The following RFTN1 variants were observed in gnomAD, a reference collection of about 807,000 sequenced individuals.
RFTN1 encodes raftlin, lipid raft linker 1, also known as raftlin.
Under a neutral mutation model 46.5 loss-of-function variants are expected in RFTN1, and 26 were observed. The observed-to-expected ratio is 0.56, with a 90% CI of 0.41 to 0.78. The LOEUF is 0.78. Among genes scored for constraint, RFTN1 ranks in the 30% least tolerant of loss-of-function variants. The pLI is 0.00. For missense variants in RFTN1, 693 were observed against 718.7 expected, an observed-to-expected ratio of 0.96 and a Z score of 0.41; for synonymous variants, 261 against 284.2, an observed-to-expected ratio of 0.92 and a Z score of 0.82.
At chr3:16,441,491 A>G (rs1454502575) in intron 2 of RFTN1, among the ~76,000 whole-genome samples, 1 of 152,190 alleles carries the variant, frequency 6.6e-6, no homozygotes, top group African/African-American at 2.4e-5. Context: ...GACATTTGCA[A>G]AGGGCCAAAG....
rs973378575 is a variant in RFTN1, at chr3:16,406,021, T to C, written c.441+3354A>G. Among the ~76,000 whole-genome samples the C allele has an allele frequency of 1.2e-4, 18 of 152,186 alleles. 1 individual carries two copies. The highest frequency in any genetic ancestry group is 1.2e-3 in the Admixed American group (18 of 15,280). ...AATAGGGCCAAAGCTATTCATTAAATATTTGCAGTGAAAAAAACCACAAAT... is the reference window on the plus strand; with the variant it reads ...AATAGGGCCAAAGCTATTCATTAAACATTTGCAGTGAAAAAAACCACAAAT... On this transcript the variant is annotated intron_variant, in intron 4 of 9. Transcript: ENST00000334133.
intron 4 of RFTN1, among the ~76,000 whole-genome samples, chr3:16,392,540 C>G (rs2074375937): frequency 6.6e-6 from 1 of 151,818 alleles, no homozygotes; most frequent in Non-Finnish European, 1.5e-5. Context: ...AATTGACACT[C>G]AAAACATGTT....
intron 4 of RFTN1, among the ~76,000 whole-genome samples, chr3:16,392,358 A>C (rs1035480617): frequency 7.2e-5 from 11 of 151,906 alleles, no homozygotes; most frequent in Non-Finnish European, 1.3e-4. Flanking sequence ...AAGACACCCC[A>C]CCCTCACATG....
In RFTN1 at chr3:16,504,849, G is replaced by A. The variant is rs569625870; in HGVS notation, c.-9+8593C>T. Among the ~76,000 whole-genome samples, 2 of 152,220 alleles carry A rather than the reference G, an allele frequency of 1.3e-5. No individual in the cohort carries two copies. The highest frequency in any genetic ancestry group is 3.9e-4 in the East Asian group (2 of 5,170). On this transcript the variant is annotated intron_variant, in intron 1 of 9. Transcript: ENST00000334133. This position sits in a 1 kb window ranked among gnomAD's most constrained non-coding sequence, Gnocchi z 4.4. ...TGAGACTTTCTCAGCACTTCTGGAAGAATATGCCCCACAGAATGCAGCACC... is the reference window on the plus strand; with the variant it reads ...TGAGACTTTCTCAGCACTTCTGGAAAAATATGCCCCACAGAATGCAGCACC...
chr3:16,440,048 T>C lies in RFTN1; in HGVS notation c.146-6011A>G, dbSNP rs2075591899. On this transcript the variant is annotated intron_variant, in intron 2 of 9. Coordinates refer to ENST00000334133, the MANE Select transcript of RFTN1 (RefSeq NM_015150.2). The surrounding 1 kb of genome is among the most constrained non-coding windows in gnomAD (Gnocchi z 4.6). ...CATCATAAGTTAAAATTTCTAATTA[T>C]AACTTCGTAGTCTGAAGATAAGGGA... 6.6e-6 allele frequency among the ~76,000 whole-genome samples: 1 copy of C among 152,182 alleles called. No individual in the cohort carries two copies. The highest frequency in any genetic ancestry group is 1.5e-5 in the Non-Finnish European group (1 of 68,026).
At chr3:16,350,904 T>C (rs2072053496) in intron 7 of RFTN1, among the ~76,000 whole-genome samples, 1 of 152,176 alleles carries the variant, frequency 6.6e-6, no homozygotes, top group Non-Finnish European at 1.5e-5. Context: ...AAATATTGGC[T>C]CCCTTGTGAA....
chr3:16,342,575 A>C lies in RFTN1; in HGVS notation c.1146+15357T>G, dbSNP rs1409108780. On this transcript the variant is annotated intron_variant, in intron 7 of 9. Coordinates refer to ENST00000334133, the MANE Select transcript of RFTN1 (RefSeq NM_015150.2). The surrounding 1 kb of genome is among the most constrained non-coding windows in gnomAD (Gnocchi z 4.0). ...GGAATTGCTGGGTCATATGGTAACT[A>C]TGTTTAACATTTTGGGAAAGTGTCC... 6.6e-6 allele frequency among the ~76,000 whole-genome samples: 1 copy of C among 152,192 alleles called. No homozygotes were observed. Among genetic ancestry groups the C allele is most frequent in the East Asian group, 1.9e-4 (1 of 5,204 alleles).
chr3:16,365,304 C>G (rs1204283506), intron 6 of RFTN1, among the ~76,000 whole-genome samples: 2 of 152,200 alleles, frequency 1.3e-5, no homozygotes, highest in East Asian at 1.9e-4. Context: ...CTCACCACCA[C>G]TGGCATTATT....
chr3:16,317,064 C>T lies in RFTN1; in HGVS notation c.1501G>A (p.Glu501Lys). 2 of 1,613,892 alleles carry T rather than the reference C, an allele frequency of 1.2e-6. No individual in the cohort carries two copies. Among genetic ancestry groups the T allele is most frequent in the Non-Finnish European group, 1.7e-6 (2 of 1,179,996 alleles). ...TTCATCTCCTCGGAGACTCCACCCT[C>T]CTGCTGCTGTCCTGAAACACAGTTT... Reference protein sequence around the residue: ...MGNCVSGQQQEGGVSEEMKGP... With the variant: ...MGNCVSGQQQKGGVSEEMKGP... The change falls in exon 10 of 10, where the codon GAG (glutamate) becomes AAG (lysine). Residue 501 changes from glutamate (E) to lysine (K), a missense_variant. Glu to Lys is a moderately conservative substitution (Grantham distance 56). Coordinates refer to ENST00000334133, the MANE Select transcript of RFTN1 (RefSeq NM_015150.2). The surrounding 1 kb of genome is among the most constrained non-coding windows in gnomAD (Gnocchi z 4.3).
rs1553589390 is a variant in RFTN1 at position 16,415,430 on chromosome 3, TAC to T, written c.333-5949_333-5948del. Among the ~76,000 whole-genome samples, 64 of 114,286 alleles carry T rather than the reference TAC, an allele frequency of 5.6e-4. 1 individual carries two copies. The highest frequency in any genetic ancestry group is 4.1e-3 in the Middle Eastern group (1 of 244). 75.0% of individuals were successfully genotyped at this position (114,286 alleles called of 152,430 possible). A position where few individuals can be genotyped will look rare whatever the true frequency, so the allele number is the denominator to read the frequency against. ...TTGAGTATATATATATATATATATA[TAC>T]ACACACACACACACATATATACTTG... is the stretch of plus-strand genomic sequence containing the variant. On this transcript the variant is annotated intron_variant, in intron 3 of 9. Coordinates refer to ENST00000334133, the MANE Select transcript of RFTN1 (RefSeq NM_015150.2).
At chr3:16,319,512 A>G (rs760937564) in intron 9 of RFTN1, among the ~76,000 whole-genome samples, 1 of 152,338 alleles carries the variant, frequency 6.6e-6, no homozygotes, top group East Asian at 1.9e-4. Context: ...TGATGTGAAT[A>G]GCGCCCTCTG....
rs543811891 is a variant in RFTN1 at position 16,512,882 on chromosome 3, T to A, written c.-9+560A>T. On this transcript the variant is annotated intron_variant, in intron 1 of 9. Transcript: ENST00000334133. This position sits in a 1 kb window ranked among gnomAD's most constrained non-coding sequence, Gnocchi z 4.3. ...GCTTCCTCGGAGCGCGCGGCATGTC[T>A]GCTCCTACACGTCCAGCACCTCTGT... 1 of 152,252 alleles carries A rather than the reference T, an allele frequency of 6.6e-6. No homozygotes were observed. Among genetic ancestry groups the A allele is most frequent in the East Asian group, 1.9e-4 (1 of 5,182 alleles). 9.4% of individuals were successfully genotyped at this position (152,252 alleles called of 1,614,324 possible).
At position 16,451,614 on chromosome 3, in the gene RFTN1, T is replaced by G. The variant is rs182063393; in HGVS notation, c.146-17577A>C. On this transcript the variant is annotated intron_variant, in intron 2 of 9. Transcript: ENST00000334133. This position sits in a 1 kb window ranked among gnomAD's most constrained non-coding sequence, Gnocchi z 4.2. ...CCAATTGCTGCCAATCAGAGCACATTTCTCTTCGTGTCTTCCACCTAAAAA... is the reference window on the plus strand; with the variant it reads ...CCAATTGCTGCCAATCAGAGCACATGTCTCTTCGTGTCTTCCACCTAAAAA... Among the ~76,000 whole-genome samples, 1 of 152,210 alleles carries G rather than the reference T, an allele frequency of 6.6e-6. No homozygotes were observed. The highest frequency in any genetic ancestry group is 1.5e-5 in the Non-Finnish European group (1 of 68,036).
chr3:16,423,627 C>A (rs999393795), intron 3 of RFTN1, among the ~76,000 whole-genome samples: 3 of 152,120 alleles, frequency 2.0e-5, no homozygotes, highest in Admixed American at 6.5e-5. Context: ...GGACTCCAGC[C>A]AGCCACAGCA....
chr3:16,467,814 A>C (rs1021948431), intron 2 of RFTN1, among the ~76,000 whole-genome samples: 1 of 152,356 alleles, frequency 6.6e-6, no homozygotes, highest in Admixed American at 6.5e-5. Context: ...AAAGCCTTTC[A>C]CAGCAAATAT....
intron 2 of RFTN1, among the ~76,000 whole-genome samples, chr3:16,462,691 T>C (rs1166760793): frequency 6.6e-6 from 1 of 152,254 alleles, no homozygotes; most frequent in Non-Finnish European, 1.5e-5. Context: ...TTCAGACTTC[T>C]GGCCTCCAGA....
rs1367602534 is a variant in RFTN1 at position 16,344,282 on chromosome 3, G to C, written c.1146+13650C>G. Reference sequence around the variant, plus strand: ...AGATTGGAAGGGGTTTAAGAAGTCAGGGAAACCTACTCAAAAAAGAAAGTG... The same window carrying C: ...AGATTGGAAGGGGTTTAAGAAGTCACGGAAACCTACTCAAAAAAGAAAGTG... On this transcript the variant is annotated intron_variant, in intron 7 of 9. Coordinates refer to ENST00000334133, the MANE Select transcript of RFTN1 (RefSeq NM_015150.2). The surrounding 1 kb of genome is among the most constrained non-coding windows in gnomAD (Gnocchi z 4.4). Among the ~76,000 whole-genome samples the C allele has an allele frequency of 1.3e-5, 2 of 151,426 alleles. No homozygotes were observed. Among genetic ancestry groups the C allele is most frequent in the African/African-American group, 4.9e-5 (2 of 41,186 alleles).
rs1484752377 is a variant in RFTN1, at chr3:16,468,443, C to T, written c.145+25282G>A. Among the ~76,000 whole-genome samples the T allele has an allele frequency of 6.6e-6, 1 of 152,146 alleles. No homozygotes were observed. Among genetic ancestry groups the T allele is most frequent in the African/African-American group, 2.4e-5 (1 of 41,424 alleles). On this transcript the variant is annotated intron_variant, in intron 2 of 9. Coordinates refer to ENST00000334133, the MANE Select transcript of RFTN1 (RefSeq NM_015150.2). The surrounding 1 kb of genome is among the most constrained non-coding windows in gnomAD (Gnocchi z 4.4). Reference sequence around the variant, plus strand: ...AGGCATCAGATCCTAACAACACTGACAGAGTGAAGGGCACGTTTCTCCCTT... The same window carrying T: ...AGGCATCAGATCCTAACAACACTGATAGAGTGAAGGGCACGTTTCTCCCTT...
rs1344664045 is a variant in RFTN1 at position 16,433,583 on chromosome 3, C to T, written c.332+268G>A. 6.6e-6 allele frequency among the ~76,000 whole-genome samples: 1 copy of T among 152,180 alleles called. No homozygotes were observed. Among genetic ancestry groups the T allele is most frequent in the East Asian group, 1.9e-4 (1 of 5,198 alleles). On this transcript the variant is annotated intron_variant, in intron 3 of 9. Transcript: ENST00000334133. This position sits in a 1 kb window ranked among gnomAD's most constrained non-coding sequence, Gnocchi z 4.4. ...TTCTTCTGAGGAGACATTTTTCTAG[C>T]TGAGTTTAATCCAGTGAGTTAAAAG...
Sources: allele counts gnomAD v4.1 joint callset (sites outside exome capture counted in the v4.1 genomes callset), GRCh38; gene constraint gnomAD v4.1.1; non-coding constraint Gnocchi (gnomAD v3.1); transcripts MANE v1.5; gene names NCBI Gene and HGNC (gene_info 2026-07-23, HGNC 2026-07-21).